Variants in CTNNA3 observed in about 807,000 individuals in gnomAD.
The protein encoded by CTNNA3 is catenin alpha-3.
Under a neutral mutation model 95.7 loss-of-function variants are expected in CTNNA3, and 76 were observed. The ratio of observed to expected loss-of-function variants is 0.79; its 90% CI spans 0.66 to 0.96. The LOEUF is 0.96. Ranked by LOEUF, CTNNA3 falls within the 40% of genes least tolerant of loss-of-function variation. CTNNA3 has a pLI of 0.00. For missense variants in CTNNA3, 1,191 were observed against 1,089.8 expected (o/e 1.09, Z -1.31); for synonymous variants, 431 against 374.4 (o/e 1.15, Z -1.74).
chr10:66,718,203 T>C lies in CTNNA3; in HGVS notation c.1281+48061A>G, dbSNP rs117870270. Among the ~76,000 whole-genome samples the C allele has an allele frequency of 7.3e-3, 1,105 of 152,056 alleles. 11 individuals carry two copies. The highest frequency in any genetic ancestry group is 0.024 in the South Asian group (114 of 4,828). On this transcript the variant is annotated intron_variant, in intron 9 of 17. Coordinates refer to ENST00000433211, the MANE Select transcript of CTNNA3 (RefSeq NM_013266.4). ...CAGAATCCTAGGAATGATTCTAAACTCTTTCTCTCTGTCTCAATAATCCTA... is the reference window on the plus strand; with the variant it reads ...CAGAATCCTAGGAATGATTCTAAACCCTTTCTCTCTGTCTCAATAATCCTA...
intron 7 of CTNNA3, among the ~76,000 whole-genome samples, chr10:66,878,135 C>T (rs1207264189): frequency 6.6e-6 from 1 of 152,120 alleles, no homozygotes; most frequent in African/African-American, 2.4e-5. Context: ...CTTCCATTGT[C>T]CCTTCATTTT....
At chr10:66,853,008 C>T (rs918811469) in intron 7 of CTNNA3, among the ~76,000 whole-genome samples, 4 of 152,182 alleles carry the variant, frequency 2.6e-5, no homozygotes, top group African/African-American at 9.6e-5. Context: ...CCATGTCTGG[C>T]TGACCATATG....
chr10:66,392,440 A>AT (rs1486333172), intron 11 of CTNNA3, among the ~76,000 whole-genome samples: 12 of 150,918 alleles, frequency 8.0e-5, no homozygotes, highest in African/African-American at 3.0e-4. Context: ...AAAAAACAAA[A>AT]CAAAAAAAAG....
chr10:66,364,117 T>C (rs2092695243), intron 12 of CTNNA3, among the ~76,000 whole-genome samples: 4 of 151,684 alleles, frequency 2.6e-5, no homozygotes, highest in Admixed American at 1.3e-4. Context: ...TTGCTTAGTC[T>C]TTATGTACTT....
chr10:66,216,724 T>C (rs925146482), intron 13 of CTNNA3, among the ~76,000 whole-genome samples: 1 of 152,192 alleles, frequency 6.6e-6, no homozygotes, highest in Non-Finnish European at 1.5e-5. Flanking sequence ...TTAAATATTA[T>C]ATTCACAAGA....
At chr10:66,546,558 C>G (rs552391653) in intron 10 of CTNNA3, among the ~76,000 whole-genome samples, 15 of 152,130 alleles carry the variant, frequency 9.9e-5, no homozygotes, top group African/African-American at 3.4e-4. Context: ...GGGGAAGCCT[C>G]GAGAAACTTA....
At chr10:66,857,805 A>G (rs1408918358) in intron 7 of CTNNA3, among the ~76,000 whole-genome samples, 1 of 151,870 alleles carries the variant, frequency 6.6e-6, no homozygotes, top group Non-Finnish European at 1.5e-5. Context: ...AGCTTCTGGG[A>G]AGACACTGTG....
At chr10:66,224,560 G>T (rs1192068611) in intron 13 of CTNNA3, among the ~76,000 whole-genome samples, 1 of 152,066 alleles carries the variant, frequency 6.6e-6, no homozygotes, top group East Asian at 1.9e-4. Flanking sequence ...TACAAGAAGG[G>T]CGTAGATGAG....
intron 9 of CTNNA3, among the ~76,000 whole-genome samples, chr10:66,761,540 C>T (rs760031540): frequency 1.3e-4 from 19 of 151,986 alleles, no homozygotes; most frequent in Admixed American, 5.3e-4. Flanking sequence ...TTGTAGTGCT[C>T]AGCATGAATT....
At chr10:66,803,952 TG>T (rs943807504) in intron 7 of CTNNA3, among the ~76,000 whole-genome samples, 1 of 150,618 alleles carries the variant, frequency 6.6e-6, no homozygotes, top group South Asian at 2.1e-4. Flanking sequence ...AATTAAAAGA[TG>T]CCAGTTGTTT....
intron 5 of CTNNA3, among the ~76,000 whole-genome samples, chr10:67,313,252 C>T (rs1239929509): frequency 1.3e-5 from 2 of 151,694 alleles, no homozygotes; most frequent in East Asian, 1.9e-4. Context: ...CTGGCTAACA[C>T]GGTGAAATCC....
chr10:65,949,566 G>A (rs2077576369), intron 17 of CTNNA3, among the ~76,000 whole-genome samples: 1 of 152,110 alleles, frequency 6.6e-6, no homozygotes, highest in Admixed American at 6.5e-5. Flanking sequence ...CTCAGAAGGG[G>A]AGGGAAGAAA....
chr10:67,166,790 T>C (rs1372764684), intron 7 of CTNNA3, among the ~76,000 whole-genome samples: 2 of 152,184 alleles, frequency 1.3e-5, no homozygotes, highest in African/African-American at 2.4e-5. Flanking sequence ...TAAGAAGCCA[T>C]TGCAAAACCT....
At chr10:66,361,617 A>G (rs1249017388) in intron 12 of CTNNA3, among the ~76,000 whole-genome samples, 1 of 150,616 alleles carries the variant, frequency 6.6e-6, no homozygotes, top group African/African-American at 2.4e-5. Flanking sequence ...GGCTCACTGC[A>G]ACCTTCACCT....
intron 5 of CTNNA3, among the ~76,000 whole-genome samples, chr10:67,423,879 A>G (rs1047674302): frequency 1.3e-5 from 2 of 152,166 alleles, no homozygotes; most frequent in Admixed American, 6.6e-5. Context: ...TATTGTTATC[A>G]AAAACGAAAG....
chr10:67,184,944 A>G (rs1862761549), intron 6 of CTNNA3, among the ~76,000 whole-genome samples: 1 of 152,156 alleles, frequency 6.6e-6, no homozygotes, highest in Non-Finnish European at 1.5e-5. Context: ...TTTTGGTGGA[A>G]AAAATGTTGA....
chr10:66,106,356 TG>T (rs1476177882), intron 13 of CTNNA3, among the ~76,000 whole-genome samples: 18 of 151,314 alleles, frequency 1.2e-4, no homozygotes, highest in African/African-American at 4.4e-4. Flanking sequence ...TGTGTGTGTG[TG>T]TGTGTGTGTG....
intron 7 of CTNNA3, among the ~76,000 whole-genome samples, chr10:66,805,005 T>C (rs965215087): frequency 6.6e-6 from 1 of 152,116 alleles, no homozygotes; most frequent in African/African-American, 2.4e-5. Flanking sequence ...ACCTGACTTA[T>C]GTATGTGCTC....
intron 6 of CTNNA3, among the ~76,000 whole-genome samples, chr10:67,211,560 A>G (rs770115880): frequency 5.3e-5 from 8 of 152,196 alleles, no homozygotes; most frequent in Non-Finnish European, 1.2e-4. Flanking sequence ...TGCTTTTTCA[A>G]TAAATATGTT....
Sources: gnomAD v4.1 joint callset for allele counts (sites outside exome capture counted in the v4.1 genomes callset) on GRCh38, gnomAD v4.1.1 for gene constraint, MANE v1.5 for transcripts, NCBI Gene and HGNC (gene_info 2026-07-23, HGNC 2026-07-21) for gene names.